The following GBP1 variants were observed in gnomAD, a reference collection of about 807,000 sequenced individuals.
GBP1 encodes guanylate binding protein 1.
A neutral mutation model predicts 69.5 loss-of-function variants in GBP1; 64 were observed. That is an observed-to-expected ratio of 0.92 (90% CI 0.75 to 1.13). The LOEUF (loss-of-function observed/expected upper bound fraction) is 1.13. GBP1 is among the 50% of genes most tolerant of loss of function. GBP1 has a pLI of 0.00. For missense variants in GBP1, 630 were observed against 704.1 expected, an observed-to-expected ratio of 0.89 and a Z score of 1.19; for synonymous variants, 250 against 261.2, an observed-to-expected ratio of 0.96 and a Z score of 0.41.
At chr1:89,058,762 A>C in intron 5 of GBP1, 79 bp downstream of exon 5, 1 of 1,504,882 alleles carries the variant, frequency 6.6e-7, no homozygotes. Context: ...AAATGCTGGA[A>C]AACTAGCAAT....
chr1:89,054,734 T>C lies in GBP1; in HGVS notation c.1613A>G (p.Asp538Gly). ...TTGCTCTTTCAGCAACTGGACCCTG[T>C]CGTTCTCCATCTTCTCAGTCAGTTG... ...LKQLTEKMEN[D>G]RVQLLKEQER... Residue 538 changes from aspartate to glycine, a missense_variant, in exon 10 of 11, where the codon GAC becomes GGC. Asp to Gly is a moderately conservative substitution (Grantham distance 94). Coordinates refer to ENST00000370473, the MANE Select transcript of GBP1 (RefSeq NM_002053.3). 6.2e-7 allele frequency: 1 copy of C among 1,614,236 alleles called. No homozygotes were observed. The highest frequency in any genetic ancestry group is 8.5e-7 in the Non-Finnish European group (1 of 1,180,040).
intron 9 of GBP1, 74 bp downstream of exon 9, chr1:89,055,039 C>G: frequency 6.7e-7 from 1 of 1,483,878 alleles, no homozygotes; most frequent in Non-Finnish European, 9.2e-7. Context: ...TTAAAGGGTC[C>G]CATGTTTATC....
At position 89,059,471 on chromosome 1, in the gene GBP1, G is replaced by A. The variant is rs771348805; in HGVS notation, c.319-45C>T. ...GGAGTCAGGAGCAAGTTTCATCATC[G>A]CAGCACTTTTCAGAGTAACAGTAGT... is the stretch of plus-strand genomic sequence containing the variant. On this transcript the variant is annotated intron_variant, in intron 3 of 10. Transcript: ENST00000370473. 9.7e-5 allele frequency: 156 copies of A among 1,607,098 alleles called. 1 individual carries two copies. The highest frequency in any genetic ancestry group is 9.7e-4 in the South Asian group (88 of 90,782).
Position 89,058,983 on chromosome 1 carries a change from A to G in GBP1, c.489T>C (p.Asn163=). The part of the protein sequence containing the change: ...RSKSSPDENE[N]EVEDSADFVS... The stretch of plus-strand genomic sequence containing the variant: ...CAAAGTCAGCTGAATCCTCAACCTC[A>G]TTCTCATTCTCATCAGGTGAGGATT... Residue 163 remains asparagine (N), a synonymous_variant, in exon 5 of 11, where the codon AAT becomes AAC. Coordinates refer to ENST00000370473, the MANE Select transcript of GBP1 (RefSeq NM_002053.3). 1 of 1,614,146 alleles carries G rather than the reference A, an allele frequency of 6.2e-7. No homozygotes were observed. The highest frequency in any genetic ancestry group is 8.5e-7 in the Non-Finnish European group (1 of 1,180,020).
intron 8 of GBP1, 57 bp from the exon 9 acceptor site, chr1:89,055,272 C>T: frequency 6.2e-7 from 1 of 1,604,590 alleles, no homozygotes; most frequent in Admixed American, 1.7e-5. Context: ...GCAGGTGTTC[C>T]TGTTTGTCTT....
At chr1:89,064,228 TGTGTGTGTGTGTGAGA>T (rs1172235292) in intron 1 of GBP1, among the ~76,000 whole-genome samples, 30 of 109,780 alleles carry the variant, frequency 2.7e-4, no homozygotes, top group South Asian at 1.9e-3. Flanking sequence ...TGTGTGTGTG[TGTGTGTGTGTGTGAGA>T]GAGAGAGAGA....
rs1680148463 is a variant in GBP1 at position 89,060,300 on chromosome 1, T to C, written c.215A>G (p.Gln72Arg). 6.3e-7 allele frequency: 1 copy of C among 1,599,122 alleles called. No individual in the cohort carries two copies. The highest frequency in any genetic ancestry group is 8.5e-7 in the Non-Finnish European group (1 of 1,173,626). ...KKGFSLGSTV[Q>R]SHTKGIWMWC... ...CATCCAGATTCCTTTAGTGTGAGAC[T>C]GCACCGTGGAGCCCAGAGAGAAGCC... The change falls in exon 3 of 11, where the codon CAG becomes CGG. Residue 72 changes from glutamine to arginine, a missense_variant. Physicochemically the swap from Gln to Arg is conservative, Grantham distance 43. This residue lies in a region of GBP1 where 131 missense variants were observed against 138.5 expected (regional missense o/e 0.95). Coordinates refer to ENST00000370473, the MANE Select transcript of GBP1 (RefSeq NM_002053.3).
At chr1:89,055,052 G>A in intron 9 of GBP1, 61 bp downstream of exon 9, 1 of 1,531,852 alleles carries the variant, frequency 6.5e-7, no homozygotes, top group Non-Finnish European at 8.9e-7. Flanking sequence ...TGTTTATCCA[G>A]TCAAGTTATT....
rs1303801583 is a variant in GBP1 at position 89,053,080 on chromosome 1, G to A, written c.*275C>T. 3.3e-6 allele frequency: 1 copy of A among 300,420 alleles called. No homozygotes were observed. Among genetic ancestry groups the A allele is most frequent in the African/African-American group, 2.2e-5 (1 of 45,452 alleles). The allele number at this position is 300,420 out of a possible 1,614,324, so 18.6% of individuals were successfully genotyped here. A position where few individuals can be genotyped will look rare whatever the true frequency, so the allele number is the denominator to read the frequency against. Reference sequence around the variant, plus strand: ...TCTGCTCAGTATCCATTTGTCTACTGCTGGTCATCTGGAAGAATAAACTTC... The same window carrying A: ...TCTGCTCAGTATCCATTTGTCTACTACTGGTCATCTGGAAGAATAAACTTC... On this transcript the variant is annotated 3_prime_UTR_variant, in exon 11 of 11. Coordinates refer to ENST00000370473, the MANE Select transcript of GBP1 (RefSeq NM_002053.3).
intron 1 of GBP1, among the ~76,000 whole-genome samples, chr1:89,064,462 A>G (rs911055046): frequency 2.6e-5 from 4 of 152,194 alleles, no homozygotes; most frequent in African/African-American, 4.8e-5. Flanking sequence ...GCTCTCTACT[A>G]AAAGAAGACA....
At chr1:89,058,540 T>C (rs1362123982) in intron 5 of GBP1, 3 of 515,632 alleles carry the variant, frequency 5.8e-6, no homozygotes, top group East Asian at 3.4e-5. Flanking sequence ...TAAATAAATA[T>C]CCATTGTACT....
chr1:89,059,470 C>T (rs747356593), intron 3 of GBP1, 44 bp from the exon 4 acceptor site: 48 of 1,607,488 alleles, frequency 3.0e-5, no homozygotes, highest in Admixed American at 2.5e-4. Context: ...GTTTCATCAT[C>T]GCAGCACTTT....
chr1:89,064,244 A>T (rs865870400), intron 1 of GBP1, among the ~76,000 whole-genome samples: 2,396 of 119,116 alleles, frequency 0.02, 25 homozygotes, highest in African/African-American at 0.049. Flanking sequence ...TGTGTGTGAG[A>T]GAGAGAGAGA....
At position 89,053,382 on chromosome 1, in the gene GBP1, T is replaced by C. The variant is rs1185680728; in HGVS notation, c.1752A>G (p.Arg584=). The stretch of plus-strand genomic sequence containing the variant: ...AGCTTATGGTACATGCCTTTCGTCG[T>C]CTCATTTTCGTCTGGAGATCCTGTA... ...NEIQDLQTKM[R]RRKACTIS is the part of the protein sequence containing the mutation. Residue 584 remains arginine (R), a synonymous_variant, in exon 11 of 11, where the codon AGA becomes AGG. Coordinates refer to ENST00000370473, the MANE Select transcript of GBP1 (RefSeq NM_002053.3). 6 of 1,613,750 alleles carry C rather than the reference T, an allele frequency of 3.7e-6. No individual in the cohort carries two copies. Among genetic ancestry groups the C allele is most frequent in the African/African-American group, 1.3e-5 (1 of 75,026 alleles).
intron 5 of GBP1, chr1:89,058,480 T>C: frequency 1.9e-6 from 1 of 523,396 alleles, no homozygotes; most frequent in Non-Finnish European, 3.3e-6. Flanking sequence ...TGGGCTGTAG[T>C]TTGCCAATGC....
chr1:89,055,692 A>G (rs1680025281), intron 8 of GBP1: 3 of 426,592 alleles, frequency 7.0e-6, no homozygotes, highest in South Asian at 4.6e-5. Context: ...AGCCTAAATC[A>G]ATGAATTACA....
Position 89,063,104 on chromosome 1 carries a change from A to G in GBP1, c.131T>C (p.Val44Ala), listed in dbSNP as rs757921700. ...GGATTTGCCTGTGCGGTAGAGGCCC[A>G]CAATTGCCACCACCACCATAGGCTG... The part of the protein sequence containing the change: ...ITQPMVVVAI[V>A]GLYRTGKSYL... The change falls in exon 2 of 11, where the codon GTG (valine) becomes GCG (alanine). Residue 44 changes from valine (V) to alanine (A), a missense_variant. Val to Ala is a moderately conservative substitution (Grantham distance 64, BLOSUM62 0). Transcript: ENST00000370473. The G allele has an allele frequency of 1.4e-5, 23 of 1,613,972 alleles. No homozygotes were observed. The highest frequency in any genetic ancestry group is 1.6e-4 in the Middle Eastern group (1 of 6,084).
intron 7 of GBP1, 76 bp from the exon 8 acceptor site, chr1:89,056,304 T>C (rs1680044344): frequency 6.2e-7 from 1 of 1,609,586 alleles, no homozygotes; most frequent in East Asian, 2.2e-5. Flanking sequence ...TTGGGAACGA[T>C]TTCTGAAAAT....
In GBP1 at chr1:89,058,931, T is replaced by C. The variant is rs150289724; in HGVS notation, c.541A>G (p.Thr181Ala). The change falls in exon 5 of 11, where the codon ACA (threonine) becomes GCA (alanine). Residue 181 changes from threonine to alanine, a missense_variant. Transcript: ENST00000370473. Reference protein sequence around the residue: ...FVSFFPDFVWTLRDFSLDLEA... With the variant: ...FVSFFPDFVWALRDFSLDLEA... ...AAGTCCAGGGAGAAATCTCTCAGTG[T>C]CCACACAAAGTCTGGGAAGAAGCTC... The C allele has an allele frequency of 5.2e-4, 836 of 1,614,204 alleles. 6 individuals are homozygous for C. The African/African-American group carries it at 9.4e-3, about 18-fold the overall frequency.
Sources: gnomAD v4.1 joint callset for allele counts (sites outside exome capture counted in the v4.1 genomes callset) on GRCh38, gnomAD v4.1.1 for gene constraint, gnomAD v4.1.1 regional missense constraint, MANE v1.5 for transcripts, NCBI Gene and HGNC (gene_info 2026-07-23, HGNC 2026-07-21) for gene names.